The following POLD1 variants were observed in gnomAD, a reference collection of about 807,000 sequenced individuals.
The protein encoded by POLD1 is DNA polymerase delta 1, catalytic subunit.
Under a neutral mutation model 129.7 loss-of-function variants are expected in POLD1, and 79 were observed. That is an observed-to-expected ratio of 0.61 (90% confidence interval 0.51 to 0.73). The LOEUF (loss-of-function observed/expected upper bound fraction) is 0.73, where lower values mean the gene tolerates loss of function less well. Among genes scored for constraint, POLD1 ranks in the 30% least tolerant of loss-of-function variants. The pLI is 0.00. For missense variants in POLD1, 1,338 were observed against 1,595.8 expected, an observed-to-expected ratio of 0.84 and a Z score of 2.75; for synonymous variants, 714 against 683.3, an observed-to-expected ratio of 1.04 and a Z score of -0.70.
At position 50,416,440 on chromosome 19, in the gene POLD1, G is replaced by A. The variant is rs878854544; in HGVS notation, c.2865G>A (p.Gln955=). 2.6e-6 allele frequency: 4 copies of A among 1,549,882 alleles called. No homozygotes were observed. The highest frequency in any genetic ancestry group is 1.2e-5 in the South Asian group (1 of 84,078). Residue 955 remains glutamine (Q), a synonymous_variant, in exon 23 of 27, where the codon CAG becomes CAA. Transcript: ENST00000440232. The stretch of plus-strand genomic sequence containing the variant: ...AGCACAGCCTGCCCATTGACACGCA[G>A]TACTACCTGGAGCAGCAGCTGGCCA... The part of the protein sequence containing the change: ...VLEHSLPIDT[Q]YYLEQQLAKP...
rs1306540639 is a variant in POLD1 at position 50,409,601 on chromosome 19, G to A, written c.2089G>A (p.Ala697Thr). Residue 697 changes from alanine (A) to threonine (T), a missense_variant, in exon 17 of 27, where the codon GCC (alanine) becomes ACC (threonine). Around this residue, in one of 3 missense-constraint regions of POLD1, gnomAD observed 720 missense variants for 1,002.6 expected, o/e 0.72. Transcript: ENST00000440232. The surrounding 1 kb of genome is among the most constrained non-coding windows in gnomAD (Gnocchi z 5.8). Reference sequence around the variant, plus strand: ...ACGGCAGCTGGCGCTGAAGGTGAGCGCCAACTCCGTATACGGCTTCACTGG... The same window carrying A: ...ACGGCAGCTGGCGCTGAAGGTGAGCACCAACTCCGTATACGGCTTCACTGG... ...DGRQLALKVS[A>T]NSVYGFTGAQ... 3.7e-6 allele frequency: 6 copies of A among 1,613,300 alleles called. No homozygotes were observed. The highest frequency in any genetic ancestry group is 4.2e-6 in the Non-Finnish European group (5 of 1,179,984).
At chr19:50,399,291 C>A in intron 2 of POLD1, 80 bp from the exon 3 acceptor site, 1 of 1,266,124 alleles carries the variant, frequency 7.9e-7, no homozygotes, top group Non-Finnish European at 1.1e-6. Flanking sequence ...CTCTGCCTGG[C>A]TCCTTTCAGA....
At chr19:50,403,754 C>A (rs137899863) in intron 10 of POLD1, among the ~76,000 whole-genome samples, 157 bp downstream of exon 10, 1 of 152,142 alleles carries the variant, frequency 6.6e-6, no homozygotes, top group South Asian at 2.1e-4. Flanking sequence ...CTGGTCCTGC[C>A]CTGCTCCAAG....
chr19:50,414,499 C>T (rs776694668), intron 19 of POLD1, among the ~76,000 whole-genome samples: 2 of 152,240 alleles, frequency 1.3e-5, no homozygotes, highest in Admixed American at 6.5e-5. Context: ...CTCACCCAGC[C>T]GTAGTTTCTC....
rs555558512 is a variant in POLD1, at chr19:50,397,139, C to T, written c.-1-1712C>T. On this transcript the variant is annotated intron_variant, in intron 1 of 26. Transcript: ENST00000440232. ...ACAGGCCAGGCTTGGTGGCTCACGC[C>T]TGAAATCTCAGCACTTTGGGAGGCC... 2.0e-4 allele frequency among the ~76,000 whole-genome samples: 30 copies of T among 150,692 alleles called. 2 individuals are homozygous for T. In the South Asian group the frequency reaches 6.3e-3, roughly 32 times the overall value.
chr19:50,404,264 C>CTT (rs1174508532), intron 10 of POLD1, among the ~76,000 whole-genome samples: 2 of 143,410 alleles, frequency 1.4e-5, no homozygotes, highest in South Asian at 2.2e-4. Context: ...CATGTCCTCC[C>CTT]TTTTTTTTTT....
chr19:50,402,951 G>T (rs2038716042), intron 8 of POLD1, 102 bp from the exon 9 acceptor site: 7 of 1,443,316 alleles, frequency 4.8e-6, no homozygotes, highest in Non-Finnish European at 6.6e-6. Context: ...CGTAGGGCCG[G>T]CAGGCAGCGG....
rs745737815 is a variant in POLD1, at chr19:50,417,944, G to C, written c.3321G>C (p.Trp1107Cys). Residue 1107 changes from tryptophan (W) to cysteine (C), a missense_variant, in exon 27 of 27, where the codon TGG becomes TGC. Around this residue, in one of 3 missense-constraint regions of POLD1, gnomAD observed 286 missense variants for 277.5 expected, o/e 1.03. Transcript: ENST00000440232. The part of the protein sequence containing the change: ...RRFGPPGPEA[W>C] ...TCGGACCCCCTGGACCTGAGGCCTGGTGACCTTGCAAGCATCCCATGGGGC... is the reference window on the plus strand; with the variant it reads ...TCGGACCCCCTGGACCTGAGGCCTGCTGACCTTGCAAGCATCCCATGGGGC... 16 of 1,600,806 alleles carry C rather than the reference G, an allele frequency of 1.0e-5. No individual in the cohort carries two copies. The Admixed American group carries it at 2.0e-4, about 20-fold the overall frequency.
At chr19:50,386,569 C>T (rs1436211813) in intron 1 of POLD1, among the ~76,000 whole-genome samples, 3 of 152,190 alleles carry the variant, frequency 2.0e-5, no homozygotes, top group Non-Finnish European at 2.9e-5. Flanking sequence ...TGTGCAATAA[C>T]GAAAGTGGCA....
At chr19:50,412,702 C>T (rs767269153) in intron 17 of POLD1, among the ~76,000 whole-genome samples, 5 of 151,552 alleles carry the variant, frequency 3.3e-5, no homozygotes, top group Admixed American at 6.6e-5. Flanking sequence ...TCCCCACCCC[C>T]AGCCTCAGGT....
chr19:50,396,622 C>T (rs988758022), intron 1 of POLD1, among the ~76,000 whole-genome samples: 18 of 151,796 alleles, frequency 1.2e-4, no homozygotes, highest in East Asian at 2.0e-4. Context: ...GGACTACAGG[C>T]GCCCACCACC....
chr19:50,386,945 C>G (rs1021929402), intron 1 of POLD1, among the ~76,000 whole-genome samples: 4 of 152,244 alleles, frequency 2.6e-5, no homozygotes, highest in African/African-American at 9.6e-5. Context: ...GTAATCCCAG[C>G]ACTTTGGGAG....
Position 50,413,843 on chromosome 19 carries a change from T to C in POLD1, c.2352T>C (p.Gly784=), listed in dbSNP as rs1601238997. 1 of 1,610,168 alleles carries C rather than the reference T, an allele frequency of 6.2e-7. No individual in the cohort carries two copies. Among genetic ancestry groups the C allele is most frequent in the Non-Finnish European group, 8.5e-7 (1 of 1,178,196 alleles). Residue 784 remains glycine (G), a synonymous_variant, in exon 19 of 27, where the codon GGT becomes GGC. Coordinates refer to ENST00000440232, the MANE Select transcript of POLD1 (RefSeq NM_002691.4). ...LGREAADWVS[G]HFPSPIRLEF... ...GGGAGGCCGCGGACTGGGTGTCAGG[T>C]CACTTCCCGTCGCCCATCCGGCTGG... is the stretch of plus-strand genomic sequence containing the variant.
At chr19:50,417,671 T>TCCCCCCCCCCCCCC (rs3840923) in intron 26 of POLD1, among the ~76,000 whole-genome samples, 171 bp from the exon 27 acceptor site, 154 of 110,482 alleles carry the variant, frequency 1.4e-3, no homozygotes, top group Middle Eastern at 5.2e-3. Context: ...TGTTATCGGC[T>TCCCCCCCCCCCCCC]CCCCCCCCCC....
Position 50,406,091 on chromosome 19 carries a change from T to G in POLD1, c.1243-91T>G. Reference sequence around the variant, plus strand: ...TGCTCTCGACCCCCTAGGGTTGTTATAAGGATGTTGTGGTTGGTCTCAATC... The same window carrying G: ...TGCTCTCGACCCCCTAGGGTTGTTAGAAGGATGTTGTGGTTGGTCTCAATC... On this transcript the variant is annotated intron_variant, in intron 10 of 26. Transcript: ENST00000440232. This position sits in a 1 kb window ranked among gnomAD's most constrained non-coding sequence, Gnocchi z 5.5. 2.0e-6 allele frequency: 3 copies of G among 1,492,288 alleles called. No homozygotes were observed. The highest frequency in any genetic ancestry group is 2.7e-6 in the Non-Finnish European group (3 of 1,092,114). The allele number at this position is 1,492,288 out of a possible 1,614,324, so 92.4% of individuals were successfully genotyped here.
intron 26 of POLD1, 140 bp from the exon 27 acceptor site, chr19:50,417,702 G>C: frequency 5.2e-6 from 1 of 193,994 alleles, no homozygotes; most frequent in South Asian, 6.7e-5. Context: ...TGCCTGCTGA[G>C]CAAACAGCCC....
chr19:50,403,161 G>C lies in POLD1; in HGVS notation c.1079G>C (p.Cys360Ser), dbSNP rs1262227952. ...CGCCTGGCGCTCACCCTGCGGCCCT[G>C]TGCCCCCATCCTGGGTGCCAAGGTG... ...FLRLALTLRPCAPILGAKVQS... is the reference protein window; with the variant it reads ...FLRLALTLRPSAPILGAKVQS... The change falls in exon 9 of 27, where the codon TGT (cysteine) becomes TCT (serine). Residue 360 changes from cysteine to serine, a missense_variant. By Grantham distance (112) the Cys-to-Ser change is moderately radical. This residue lies in a region of POLD1 where 720 missense variants were observed against 1,002.6 expected (regional missense o/e 0.72). Transcript: ENST00000440232. 6.4e-7 allele frequency: 1 copy of C among 1,562,234 alleles called. No individual in the cohort carries two copies. The highest frequency in any genetic ancestry group is 8.7e-7 in the Non-Finnish European group (1 of 1,152,972).
intron 17 of POLD1, among the ~76,000 whole-genome samples, chr19:50,412,354 T>C (rs1235867893): frequency 1.3e-5 from 2 of 152,196 alleles, no homozygotes; most frequent in East Asian, 3.9e-4. Flanking sequence ...GGTTTCACCA[T>C]GTTGGCCAGG....
At chr19:50,392,340 A>C (rs536231042) in intron 1 of POLD1, among the ~76,000 whole-genome samples, 10 of 151,964 alleles carry the variant, frequency 6.6e-5, no homozygotes, top group African/African-American at 2.4e-4. Context: ...TCAAGTGATC[A>C]TCCCACCTCA....
Sources: allele counts gnomAD v4.1 joint callset (sites outside exome capture counted in the v4.1 genomes callset), GRCh38; gene constraint gnomAD v4.1.1; regional missense constraint gnomAD v4.1.1; non-coding constraint Gnocchi (gnomAD v3.1); transcripts MANE v1.5; gene names NCBI Gene and HGNC (gene_info 2026-07-23, HGNC 2026-07-21).